Variants in USP54 observed in about 807,000 individuals in gnomAD.
USP54 encodes the protein ubiquitin carboxyl-terminal hydrolase 54.
USP54 carries 87 observed loss-of-function variants against 170.5 expected under a neutral mutation model. That is an observed-to-expected ratio of 0.51 (90% confidence interval 0.43 to 0.61). USP54 has a LOEUF of 0.61. USP54 is among the 20% of genes least tolerant of loss of function. The pLI is 0.00. For synonymous variants in USP54, 655 were observed against 742.8 expected (o/e 0.88, Z 1.92); for missense variants, 1,786 against 2,047.8 (o/e 0.87, Z 2.47).
At chr10:73,596,249 C>T (rs1052437242), upstream of USP54, among the ~76,000 whole-genome samples, 1 of 151,996 alleles carries the variant, frequency 6.6e-6, no homozygotes, top group Non-Finnish European at 1.5e-5. Context: ...TGGTGAAACC[C>T]CATCTCTACT....
At chr10:73,505,213 G>A in intron 21 of USP54, 95 bp downstream of exon 21, 2 of 1,322,770 alleles carry the variant, frequency 1.5e-6, no homozygotes, top group Non-Finnish European at 1.1e-6. Flanking sequence ...ATATCACCAT[G>A]CCTCTGCCTT....
intron 20 of USP54, chr10:73,506,117 C>A (rs1444579443): frequency 5.3e-5 from 8 of 152,202 alleles, no homozygotes. Context: ...AATCATCTAT[C>A]AAACCTCCTC....
intron 4 of USP54, among the ~76,000 whole-genome samples, chr10:73,546,197 C>T (rs1474027996): frequency 1.3e-5 from 2 of 152,170 alleles, no homozygotes; most frequent in African/African-American, 4.8e-5. Context: ...ACAGATAATG[C>T]TAAAGTCTTG....
intron 4 of USP54, among the ~76,000 whole-genome samples, chr10:73,568,887 G>A (rs546621562): frequency 3.9e-5 from 6 of 152,214 alleles, no homozygotes; most frequent in Admixed American, 2.0e-4. Context: ...TAAGTCTAGC[G>A]GTTGACTTTC....
intron 23 of USP54, chr10:73,499,515 G>A (rs975345262): frequency 2.7e-5 from 6 of 218,842 alleles, no homozygotes; most frequent in Admixed American, 5.1e-5. Flanking sequence ...TATGGCAAAC[G>A]TATACTCCCT....
chr10:73,572,443 T>G (rs1296941501), intron 3 of USP54, among the ~76,000 whole-genome samples: 1 of 152,186 alleles, frequency 6.6e-6, no homozygotes, highest in Non-Finnish European at 1.5e-5. Flanking sequence ...TCCCCCTTGC[T>G]AGGAAAACAT....
Position 73,545,638 on chromosome 10 carries a change from T to C in USP54, c.275A>G (p.Lys92Arg). The change falls in exon 5 of 24, where the codon AAA (lysine) becomes AGA (arginine). Residue 92 changes from lysine to arginine, a missense_variant. This residue lies in a region of USP54 where 361 missense variants were observed against 455.0 expected (regional missense o/e 0.79). Transcript: ENST00000687698. ...IFNQFQCSSE[K>R]VLPSDTLRSA... The stretch of plus-strand genomic sequence containing the variant: ...GCGGAGAGTGTCAGATGGAAGCACT[T>C]TTTCACTACTACACTGAAACTGGTT... 1.2e-6 allele frequency: 2 copies of C among 1,614,124 alleles called. No homozygotes were observed. Among genetic ancestry groups the C allele is most frequent in the Admixed American group, 3.3e-5 (2 of 60,016 alleles).
rs528511776 is a variant in USP54, at chr10:73,539,076, C to G, written c.975+368G>C. 2.0e-5 allele frequency among the ~76,000 whole-genome samples: 3 copies of G among 151,660 alleles called. No homozygotes were observed. In the South Asian group the frequency reaches 6.2e-4, roughly 32 times the overall value. ...TAGGCGGATCACAAGGTCAGGAGTT[C>G]GAGACCAGCCTGGCAAACATAGTGA... On this transcript the variant is annotated intron_variant, in intron 10 of 23. Coordinates refer to ENST00000687698, the MANE Select transcript of USP54 (RefSeq NM_001391956.1).
chr10:73,602,410 G>T (rs1220613324), intron 1 of USP54, among the ~76,000 whole-genome samples: 3 of 151,830 alleles, frequency 2.0e-5, no homozygotes, highest in Admixed American at 2.0e-4. Context: ...AAAATTAGCC[G>T]GGCGTGGTGG....
In USP54 at chr10:73,621,150, T is replaced by C. The variant is rs140208065; in HGVS notation, c.-18+4417A>G. Among the ~76,000 whole-genome samples the C allele has an allele frequency of 3.2e-3, 474 of 148,832 alleles. 38 individuals are homozygous for C. Among genetic ancestry groups the C allele is most frequent in the African/African-American group, 0.011 (422 of 38,880 alleles). On this transcript the variant is annotated intron_variant, in intron 1 of 22. Transcript: ENST00000339859. ...CGGCCTGGGTGACAGAGCAAGACTC[T>C]GTCTCAAAAAACAAACAAATAATAC...
At chr10:73,594,478 C>T (rs2078559236), upstream of USP54, among the ~76,000 whole-genome samples, 1 of 152,110 alleles carries the variant, frequency 6.6e-6, no homozygotes, top group African/African-American at 2.4e-5. Flanking sequence ...GATCACAGCT[C>T]ACTGAACCCT....
intron 15 of USP54, among the ~76,000 whole-genome samples, chr10:73,527,498 C>CAAAAAAAA (rs931778033): frequency 3.5e-4 from 18 of 51,922 alleles, no homozygotes; most frequent in African/African-American, 5.1e-4. Flanking sequence ...CACTCCATCT[C>CAAAAAAAA]AAAAAAAAAA....
chr10:73,618,735 C>A (rs1467070207), intron 1 of USP54, among the ~76,000 whole-genome samples: 4 of 140,690 alleles, frequency 2.8e-5, no homozygotes, highest in African/African-American at 8.9e-5. Flanking sequence ...GAGCGAGACT[C>A]CATCTCAAAA....
At chr10:73,624,185 TATATATATA>T (rs2081313863) in intron 1 of USP54, among the ~76,000 whole-genome samples, 1 of 120,672 alleles carries the variant, frequency 8.3e-6, no homozygotes, top group South Asian at 3.5e-4. Context: ...TATATATATA[TATATATATA>T]TGTATTTTTT....
chr10:73,622,108 A>G (rs764501686), intron 1 of USP54, among the ~76,000 whole-genome samples: 51 of 152,266 alleles, frequency 3.3e-4, no homozygotes, highest in South Asian at 8.3e-4. Flanking sequence ...ACCAATCTCT[A>G]TTCTACCATC....
At chr10:73,592,363 G>A (rs1423326299), upstream of USP54, among the ~76,000 whole-genome samples, 3 of 151,334 alleles carry the variant, frequency 2.0e-5, no homozygotes, top group Non-Finnish European at 4.4e-5. Context: ...AAGATTTATT[G>A]GTAAAATTTA....
chr10:73,603,397 A>C (rs1479509638), intron 1 of USP54, among the ~76,000 whole-genome samples: 1 of 152,208 alleles, frequency 6.6e-6, no homozygotes, highest in East Asian at 1.9e-4. Flanking sequence ...CATTATTCTG[A>C]TAAGGGGCTA....
intron 1 of USP54, among the ~76,000 whole-genome samples, chr10:73,586,675 G>A (rs572849259): frequency 6.6e-6 from 1 of 152,288 alleles, no homozygotes; most frequent in South Asian, 2.1e-4. Context: ...TTGAGATACT[G>A]CTGACAACTT....
intron 1 of USP54, among the ~76,000 whole-genome samples, chr10:73,583,770 T>G (rs1276972794): frequency 6.6e-6 from 1 of 151,476 alleles, no homozygotes; most frequent in Non-Finnish European, 1.5e-5. Context: ...AAAAAATAAA[T>G]TACAATTTAA....
Sources: gnomAD v4.1 joint callset for allele counts (sites outside exome capture counted in the v4.1 genomes callset) on GRCh38, gnomAD v4.1.1 for gene constraint, gnomAD v4.1.1 regional missense constraint, MANE v1.5 for transcripts, NCBI Gene and HGNC (gene_info 2026-07-23, HGNC 2026-07-21) for gene names.